Variants in ENTREP2 observed in about 807,000 individuals in gnomAD.
The protein encoded by ENTREP2 is endosomal transmembrane epsin interactor 2.
chr15:29,536,685 T>C, the ENTREP2 span, among the ~76,000 whole-genome samples: 2 of 152,088 alleles, frequency 1.3e-5, no homozygotes, highest in Non-Finnish European at 2.9e-5. Context: ...AAAGAAGGTC[T>C]TTGCAGATTT....
the ENTREP2 span, among the ~76,000 whole-genome samples, chr15:29,622,070 G>A: frequency 6.6e-6 from 1 of 152,212 alleles, no homozygotes; most frequent in African/African-American, 2.4e-5. Flanking sequence ...GCAGTGGGGA[G>A]GGGATGGGGA....
At chr15:29,323,103 T>G in the ENTREP2 span, among the ~76,000 whole-genome samples, 2 of 152,130 alleles carry the variant, frequency 1.3e-5, no homozygotes, top group Non-Finnish European at 2.9e-5. Context: ...TCTTGACCTC[T>G]TTTTTTGGCA....
the ENTREP2 span, among the ~76,000 whole-genome samples, chr15:29,164,077 A>G: frequency 1.4e-4 from 22 of 152,328 alleles, no homozygotes; most frequent in Non-Finnish European, 2.8e-4. Context: ...AGCATCATAT[A>G]TGAAAGAAGA....
At chr15:29,140,180 C>T in the ENTREP2 span, among the ~76,000 whole-genome samples, 4 of 152,226 alleles carry the variant, frequency 2.6e-5, no homozygotes, top group South Asian at 2.1e-4. Flanking sequence ...ACCTGCTCCC[C>T]GTAACTGTGT....
chr15:29,483,084 A>C, the ENTREP2 span, among the ~76,000 whole-genome samples: 261 of 152,346 alleles, frequency 1.7e-3, 6 homozygotes, highest in Admixed American at 0.015. Context: ...GCATTTTCCT[A>C]ATGATATATG....
At chr15:29,568,710 C>CAAAAAAA in the ENTREP2 span, among the ~76,000 whole-genome samples, 198 of 128,140 alleles carry the variant, frequency 1.5e-3, no homozygotes, top group Non-Finnish European at 2.1e-3. Flanking sequence ...CCTCTTAAGG[C>CAAAAAAA]AAAAAAAAAA....
At chr15:29,554,344 A>G in the ENTREP2 span, among the ~76,000 whole-genome samples, 2 of 144,886 alleles carry the variant, frequency 1.4e-5, no homozygotes, top group African/African-American at 2.5e-5. Flanking sequence ...GAAGGAAGTG[A>G]GGAAGGTAAG....
the ENTREP2 span, among the ~76,000 whole-genome samples, chr15:29,647,184 G>C: frequency 3.3e-5 from 5 of 152,288 alleles, no homozygotes; most frequent in South Asian, 8.3e-4. Context: ...TGCAATTTAT[G>C]AGCAAAAGCT....
At chr15:29,487,877 G>A in the ENTREP2 span, among the ~76,000 whole-genome samples, 1 of 152,308 alleles carries the variant, frequency 6.6e-6, no homozygotes, top group South Asian at 2.1e-4. Flanking sequence ...ATTTTTAGTA[G>A]AGACGGGATT....
the ENTREP2 span, among the ~76,000 whole-genome samples, chr15:29,304,238 C>T: frequency 6.6e-6 from 1 of 152,074 alleles, no homozygotes; most frequent in Non-Finnish European, 1.5e-5. Context: ...ATCATCGAGG[C>T]AGAAAACTAA....
chr15:29,286,588 G>A, the ENTREP2 span, among the ~76,000 whole-genome samples: 1 of 152,166 alleles, frequency 6.6e-6, no homozygotes, highest in African/African-American at 2.4e-5. Context: ...CACTGTCTGA[G>A]TCCTGGAGCC....
the ENTREP2 span, among the ~76,000 whole-genome samples, chr15:29,551,123 C>T: frequency 1.3e-5 from 2 of 152,208 alleles, no homozygotes; most frequent in African/African-American, 4.8e-5. Context: ...GAACACCCTT[C>T]CTACAACTGG....
chr15:29,241,627 G>A, the ENTREP2 span, among the ~76,000 whole-genome samples: 1 of 152,114 alleles, frequency 6.6e-6, no homozygotes, highest in Admixed American at 6.6e-5. Flanking sequence ...TATTCATCAA[G>A]CCATATAATG....
At chr15:29,215,383 T>C in the ENTREP2 span, among the ~76,000 whole-genome samples, 2 of 151,714 alleles carry the variant, frequency 1.3e-5, no homozygotes, top group African/African-American at 4.8e-5. Flanking sequence ...GGCAGAAAAA[T>C]GTGAAAAGGA....
chr15:29,213,909 A>T, the ENTREP2 span, among the ~76,000 whole-genome samples: 1 of 152,242 alleles, frequency 6.6e-6, no homozygotes, highest in South Asian at 2.1e-4. Flanking sequence ...AAAAGAAGAC[A>T]TTTATGCAGC....
chr15:29,657,299 A>T, the ENTREP2 span, among the ~76,000 whole-genome samples: 1 of 151,298 alleles, frequency 6.6e-6, no homozygotes, highest in Non-Finnish European at 1.5e-5. Context: ...CGACCTCCTG[A>T]TCCACCTACC....
chr15:29,507,681 A>C, the ENTREP2 span, among the ~76,000 whole-genome samples: 1 of 152,228 alleles, frequency 6.6e-6, no homozygotes, highest in Non-Finnish European at 1.5e-5. Flanking sequence ...TTAAGGCAGA[A>C]ATAAATAAAT....
At chr15:29,184,133 C>T in the ENTREP2 span, among the ~76,000 whole-genome samples, 1 of 152,156 alleles carries the variant, frequency 6.6e-6, no homozygotes, top group Non-Finnish European at 1.5e-5. Flanking sequence ...TACAGCCACG[C>T]ACCACCACAT....
At chr15:29,169,401 T>C in the ENTREP2 span, among the ~76,000 whole-genome samples, 1 of 152,158 alleles carries the variant, frequency 6.6e-6, no homozygotes, top group Non-Finnish European at 1.5e-5. Flanking sequence ...AGGGACAGAA[T>C]AGAGATCCTA....
Sources: allele counts gnomAD v4.1 joint callset (sites outside exome capture counted in the v4.1 genomes callset), GRCh38; gene constraint gnomAD v4.1.1; transcripts MANE v1.5; gene names NCBI Gene and HGNC (gene_info 2026-07-23, HGNC 2026-07-21).